Variants in SLC12A4 observed in about 807,000 individuals in gnomAD.
SLC12A4 encodes the protein electroneutral potassium-chloride cotransporter 1.
Under a neutral mutation model 119.2 loss-of-function variants are expected in SLC12A4, and 84 were observed. The observed-to-expected ratio is 0.70, with a 90% confidence interval of 0.59 to 0.85. The LOEUF (loss-of-function observed/expected upper bound fraction) is 0.85. Among genes scored for constraint, SLC12A4 ranks in the 40% least tolerant of loss-of-function variants. The pLI, the probability that SLC12A4 is intolerant of heterozygous loss-of-function variation, is 0.00. For missense variants in SLC12A4, 1,298 were observed against 1,476.3 expected (o/e 0.88, Z 1.98); for synonymous variants, 599 against 604.6 (o/e 0.99, Z 0.14).
At position 67,952,419 on chromosome 16, in the gene SLC12A4, T is replaced by C. The variant is rs750548005; in HGVS notation, c.682A>G (p.Ile228Val). Residue 228 changes from isoleucine to valine, a missense_variant, in exon 7 of 24, where the codon ATT becomes GTT. Physicochemically the swap from Ile to Val is conservative, Grantham distance 29. Transcript: ENST00000316341. ...LGAIEILLTY[I>V]APPAAIFYPS... ...TAAAAAATGGCAGCTGGTGGGGCAA[T>C]GTAGGTCTGAAACAAGAAGATGGAT... The C allele has an allele frequency of 1.2e-6, 2 of 1,614,030 alleles. No homozygotes were observed. The highest frequency in any genetic ancestry group is 3.3e-5 in the Admixed American group (2 of 60,014).
rs2030372681 is a variant in SLC12A4 at position 67,958,031 on chromosome 16, C to A, written c.356G>T (p.Gly119Val). 3 of 1,613,762 alleles carry A rather than the reference C, an allele frequency of 1.9e-6. No individual in the cohort carries two copies. The highest frequency in any genetic ancestry group is 2.5e-6 in the Non-Finnish European group (3 of 1,179,880). ...GGGCAGGTACACCCCCATGAGGGTGCCCATGCTGGGTGCCTATGCGAACAC... is the reference window on the plus strand; with the variant it reads ...GGGCAGGTACACCCCCATGAGGGTGACCATGCTGGGTGCCTATGCGAACAC... The part of the protein sequence containing the change: ...RRRAAEAPSM[G>V]TLMGVYLPCL... The change falls in exon 4 of 24, where the codon GGC (glycine) becomes GTC (valine). Residue 119 changes from glycine to valine, a missense_variant. Transcript: ENST00000316341.
Position 67,952,183 on chromosome 16 carries a change from CG to C in SLC12A4, c.917del (p.Pro306ArgfsTer23). On this transcript the variant is annotated frameshift_variant and splice_region_variant, in exon 7 of 24. Coordinates refer to ENST00000316341, the MANE Select transcript of SLC12A4 (RefSeq NM_005072.5). LOFTEE classifies it high-confidence loss of function. ...IKSIFDPPVFPVCMLGNRTLS... is the reference protein window; with the variant it reads ...IKSIFDPPVFXVCMLGNRTLS... ...CCCAGATAAATTCCTGGGTTACTTA[CG>C]GAAACACGGGAGGGTCAAATATAGA... The C allele has an allele frequency of 6.2e-7, 1 of 1,613,644 alleles. No homozygotes were observed. Among genetic ancestry groups the C allele is most frequent in the Non-Finnish European group, 8.5e-7 (1 of 1,179,674 alleles).
chr16:67,967,011 C>T (rs533156980), intron 1 of SLC12A4: 2 of 861,146 alleles, frequency 2.3e-6, no homozygotes, highest in Non-Finnish European at 3.3e-6. Flanking sequence ...CCAGTCTACC[C>T]TCTGGGGAGA....
In SLC12A4 at chr16:67,947,368, G is replaced by T. The variant is rs762824072; in HGVS notation, c.2035C>A (p.Arg679=). 3.1e-6 allele frequency: 5 copies of T among 1,612,544 alleles called. No homozygotes were observed. Among genetic ancestry groups the T allele is most frequent in the Non-Finnish European group, 4.2e-6 (5 of 1,179,798 alleles). ...GTGTGAGGAGGCCCCTCCTCCAGCC[G>T]CAACAGCGCGTAGCGGGCAGCGCTC... ...SLSAARYALL[R]LEEGPPHTKN... The change falls in exon 16 of 24, where the codon CGG becomes AGG. Residue 679 remains arginine (R), a synonymous_variant. Coordinates refer to ENST00000316341, the MANE Select transcript of SLC12A4 (RefSeq NM_005072.5).
intron 6 of SLC12A4, among the ~76,000 whole-genome samples, chr16:67,953,318 C>T (rs1342311557): frequency 6.6e-6 from 1 of 152,014 alleles, no homozygotes; most frequent in Non-Finnish European, 1.5e-5. Context: ...ACCCAGGAGG[C>T]GGAAATTGCA....
intron 17 of SLC12A4, 103 bp from the exon 18 acceptor site, chr16:67,946,736 G>C: frequency 7.2e-7 from 1 of 1,379,332 alleles, no homozygotes; most frequent in Non-Finnish European, 9.9e-7. Context: ...GGTGGAGGAG[G>C]GCCTGGGGGC....
intron 5 of SLC12A4, among the ~76,000 whole-genome samples, chr16:67,956,218 C>T (rs1022901857): frequency 6.6e-6 from 1 of 151,968 alleles, no homozygotes; most frequent in Non-Finnish European, 1.5e-5. Flanking sequence ...TTTTTCATGC[C>T]GTAATCCACC....
rs2030881662 is a variant in SLC12A4, at chr16:67,966,684, A to T, written c.115+1755T>A. The T allele has an allele frequency of 1.4e-5, 21 of 1,541,776 alleles. No homozygotes were observed. In the South Asian group the frequency reaches 2.2e-4, roughly 16 times the overall value. ...GAACTGGGGAAGGGGCAGGAGATAG[A>T]TCTGAGGCTCACTGTGCTTTGTGCC... On this transcript the variant is annotated intron_variant, in intron 1 of 23. Transcript: ENST00000316341.
chr16:67,948,351 C>G (rs1308400750), intron 13 of SLC12A4, among the ~76,000 whole-genome samples, 192 bp from the exon 14 acceptor site: 1 of 152,188 alleles, frequency 6.6e-6, no homozygotes, highest in African/African-American at 2.4e-5. Context: ...GTCCTCGGAG[C>G]CAGATCGCAG....
rs751480378 is a variant in SLC12A4 at position 67,945,160 on chromosome 16, C to T, written c.3093G>A (p.Thr1031=). 6.9e-6 allele frequency: 11 copies of T among 1,597,286 alleles called. No individual in the cohort carries two copies. The highest frequency in any genetic ancestry group is 2.2e-5 in the East Asian group (1 of 44,666). ...GAACCAGGCGGGCGTCGTGGGAGCG[C>T]GTGACAATGACTTCATTGAGCTTCA... ...TAVKLNEVIV[T]RSHDARLVLL... is the part of the protein sequence containing the mutation. The change falls in exon 23 of 24, where the codon ACG becomes ACA. Residue 1031 remains threonine, a synonymous_variant. Coordinates refer to ENST00000316341, the MANE Select transcript of SLC12A4 (RefSeq NM_005072.5).
intron 1 of SLC12A4, chr16:67,964,157 T>C: frequency 2.1e-6 from 3 of 1,428,606 alleles, no homozygotes; most frequent in Non-Finnish European, 2.8e-6. Flanking sequence ...TCCAGGAGCC[T>C]TCTAGGGTTG....
chr16:67,945,294 A>G, intron 22 of SLC12A4, 74 bp from the exon 23 acceptor site: 1 of 1,566,098 alleles, frequency 6.4e-7, no homozygotes, highest in African/African-American at 1.3e-5. Context: ...TGGCCCATCT[A>G]ACACTACTTG....
In SLC12A4 at chr16:67,945,673, G is replaced by A. The variant is rs547430722; in HGVS notation, c.2847+91C>T. 2.0e-6 allele frequency: 3 copies of A among 1,496,350 alleles called. No individual in the cohort carries two copies. In the African/African-American group the frequency reaches 4.1e-5, roughly 21 times the overall value. The allele number at this position is 1,496,350 out of a possible 1,614,324, so 92.7% of individuals were successfully genotyped here. On this transcript the variant is annotated intron_variant, in intron 21 of 23. Coordinates refer to ENST00000316341, the MANE Select transcript of SLC12A4 (RefSeq NM_005072.5). ...GCACTAGCTTGGGTAGGGCTGCGGTGAGTCATTCTGATTCCTCCGCACCCA... is the reference window on the plus strand; with the variant it reads ...GCACTAGCTTGGGTAGGGCTGCGGTAAGTCATTCTGATTCCTCCGCACCCA...
chr16:67,952,031 G>A lies in SLC12A4; in HGVS notation c.924C>T (p.Cys308=), dbSNP rs1472769333. The A allele has an allele frequency of 3.1e-6, 5 of 1,613,680 alleles. No individual in the cohort carries two copies. Among genetic ancestry groups the A allele is most frequent in the Middle Eastern group, 1.7e-4 (1 of 6,048 alleles). ...GGGACAGGGTCCTGTTGCCCAGCAT[G>A]CATACCCTGTGAGGGACAGAAGCAC... The part of the protein sequence containing the change: ...SIFDPPVFPV[C]MLGNRTLSRD... The change falls in exon 8 of 24, where the codon TGC becomes TGT. Residue 308 remains cysteine, a synonymous_variant. Transcript: ENST00000316341.
At position 67,956,529 on chromosome 16, in the gene SLC12A4, T is replaced by C. The variant is rs900227877; in HGVS notation, c.544+1213A>G. Among the ~76,000 whole-genome samples, 8 of 151,520 alleles carry C rather than the reference T, an allele frequency of 5.3e-5. No individual in the cohort carries two copies. In the South Asian group the frequency reaches 1.3e-3, roughly 24 times the overall value. Reference sequence around the variant, plus strand: ...AGTGAAACCTCGTCTCTACTAAAAATACAAAAATGTGGTGGTCGCCTGTAA... The same window carrying C: ...AGTGAAACCTCGTCTCTACTAAAAACACAAAAATGTGGTGGTCGCCTGTAA... On this transcript the variant is annotated intron_variant, in intron 5 of 23. Transcript: ENST00000316341.
intron 6 of SLC12A4, among the ~76,000 whole-genome samples, chr16:67,952,988 C>T (rs2030020276): frequency 6.6e-6 from 1 of 150,894 alleles, no homozygotes; most frequent in South Asian, 2.1e-4. Context: ...ATCCCAGCTA[C>T]TCGGGAGGCT....
In SLC12A4 at chr16:67,947,690, T is replaced by G; in HGVS notation, c.1946A>C (p.Tyr649Ser). ...LVAMLIAGMI[Y>S]KYIEYQGAEK... ...TCACCCTTGGTACTCGATGTATTTG[T>G]AGATCATGCCGGCGATGAGCATGGC... The change falls in exon 15 of 24, where the codon TAC becomes TCC. Residue 649 changes from tyrosine to serine, a missense_variant. By Grantham distance (144) the Tyr-to-Ser change is moderately radical. Coordinates refer to ENST00000316341, the MANE Select transcript of SLC12A4 (RefSeq NM_005072.5). 1 of 1,598,466 alleles carries G rather than the reference T, an allele frequency of 6.3e-7. No individual in the cohort carries two copies.
chr16:67,945,760 T>C lies in SLC12A4; in HGVS notation c.2847+4A>G, dbSNP rs760136119. ...CCCTGGCGTGAACCACAAAGGGCAC[T>C]GACTTCTCGCTCCCGCTCAGTCTTG... On this transcript the variant is annotated splice_donor_region_variant and intron_variant, in intron 21 of 23. Coordinates refer to ENST00000316341, the MANE Select transcript of SLC12A4 (RefSeq NM_005072.5). 1.9e-6 allele frequency: 3 copies of C among 1,612,490 alleles called. No homozygotes were observed. The highest frequency in any genetic ancestry group is 2.5e-6 in the Non-Finnish European group (3 of 1,179,466).
intron 7 of SLC12A4, 25 bp downstream of exon 7, chr16:67,952,159 C>A: frequency 6.2e-7 from 1 of 1,613,168 alleles, no homozygotes; most frequent in Non-Finnish European, 8.5e-7. Flanking sequence ...CATGCAATGC[C>A]CAGATAAATT....
Sources: gnomAD v4.1 joint callset for allele counts (sites outside exome capture counted in the v4.1 genomes callset) on GRCh38, gnomAD v4.1.1 for gene constraint, MANE v1.5 for transcripts, NCBI Gene and HGNC (gene_info 2026-07-23, HGNC 2026-07-21) for gene names.